Variants in UNC13C observed in about 807,000 individuals in gnomAD.
UNC13C encodes the protein unc-13 homolog C, also known as protein unc-13 homolog C.
In UNC13C, 174 loss-of-function variants were observed where a neutral mutation model predicts 245.4. That is an observed-to-expected ratio of 0.71 (90% CI 0.63 to 0.80). The LOEUF (loss-of-function observed/expected upper bound fraction) is 0.80. Ranked by LOEUF, UNC13C falls within the 30% of genes least tolerant of loss-of-function variation. The pLI, the probability that UNC13C is intolerant of heterozygous loss-of-function variation, is 0.00. For missense variants in UNC13C, 2,829 were observed against 2,602.9 expected (o/e 1.09, Z -1.89); for synonymous variants, 992 against 895.1 (o/e 1.11, Z -1.93).
In UNC13C at chr15:54,338,352, C is replaced by T; in HGVS notation, c.4585-9C>T. On this transcript the variant is annotated splice_polypyrimidine_tract_variant and intron_variant, in intron 16 of 32. Coordinates refer to ENST00000260323, the MANE Select transcript of UNC13C (RefSeq NM_001080534.3). ...TGCATTTGAGAAAATAAATGTCTGT[C>T]TTTGTCAGGTTCTGGAGCTGCAAAG... 6.9e-7 allele frequency: 1 copy of T among 1,451,594 alleles called. No individual in the cohort carries two copies. The highest frequency in any genetic ancestry group is 9.4e-7 in the Non-Finnish European group (1 of 1,065,752). 89.9% of individuals were successfully genotyped at this position (1,451,594 alleles called of 1,614,324 possible).
the UNC13C span, among the ~76,000 whole-genome samples, chr15:53,933,126 T>G: frequency 2.0e-5 from 3 of 152,180 alleles, 1 homozygote; most frequent in South Asian, 6.2e-4. Context: ...CTAAATCTAC[T>G]GCCATAGTTC....
chr15:54,415,166 C>A, intron 19 of UNC13C, 99 bp downstream of exon 19: 1 of 838,500 alleles, frequency 1.2e-6, no homozygotes, highest in Non-Finnish European at 1.8e-6. Context: ...CATTAAAACA[C>A]TGATTACTGT....
chr15:54,015,478 T>A lies in UNC13C; in HGVS notation c.2575T>A (p.Tyr859Asn). Reference sequence around the variant, plus strand: ...TGATGTCTACACGGAGCCCTATTACTATAAAGCAGAGGATGAGGAAGATTA... The same window carrying A: ...TGATGTCTACACGGAGCCCTATTACAATAAAGCAGAGGATGAGGAAGATTA... Reference protein sequence around the residue: ...DSDVYTEPYYYKAEDEEDYTE... With the variant: ...DSDVYTEPYYNKAEDEEDYTE... Residue 859 changes from tyrosine (Y) to asparagine (N), a missense_variant, in exon 2 of 33, where the codon TAT becomes AAT. By Grantham distance (143) the Tyr-to-Asn change is moderately radical (BLOSUM62 -2). Transcript: ENST00000260323. The A allele has an allele frequency of 6.2e-7, 1 of 1,613,150 alleles. No homozygotes were observed. The highest frequency in any genetic ancestry group is 1.7e-5 in the Admixed American group (1 of 59,944).
rs1318279017 is a variant in UNC13C, at chr15:54,075,500, C to T, written c.2983+59614C>T. ...CAGTGAGCCGGAGCTTGCAGTGAGCCGAGATGGCGCCACTGCACTCCAGCC... is the reference window on the plus strand; with the variant it reads ...CAGTGAGCCGGAGCTTGCAGTGAGCTGAGATGGCGCCACTGCACTCCAGCC... On this transcript the variant is annotated intron_variant, in intron 2 of 32. Coordinates refer to ENST00000260323, the MANE Select transcript of UNC13C (RefSeq NM_001080534.3). Among the ~76,000 whole-genome samples, 15 of 121,054 alleles carry T rather than the reference C, an allele frequency of 1.2e-4. 1 individual carries two copies. The Admixed American group carries it at 1.6e-3, about 13-fold the overall frequency. 79.4% of individuals were successfully genotyped at this position (121,054 alleles called of 152,430 possible). A position where few individuals can be genotyped will look rare whatever the true frequency, so the allele number is the denominator to read the frequency against.
chr15:54,156,474 C>G lies in UNC13C; in HGVS notation c.3071+12790C>G, dbSNP rs536623799. On this transcript the variant is annotated intron_variant, in intron 4 of 32. Coordinates refer to ENST00000260323, the MANE Select transcript of UNC13C (RefSeq NM_001080534.3). ...ATAAAGACCTCTTCAGGAAACAATA[C>G]TTGAAACAGTTATTCCAGAGTCACA... Among the ~76,000 whole-genome samples the G allele has an allele frequency of 3.3e-5, 5 of 152,270 alleles. No individual in the cohort carries two copies. In the South Asian group the frequency reaches 1.0e-3, roughly 32 times the overall value.
chr15:53,858,331 A>T, the UNC13C span, among the ~76,000 whole-genome samples: 1 of 152,112 alleles, frequency 6.6e-6, no homozygotes, highest in Non-Finnish European at 1.5e-5. Flanking sequence ...TAGTATTTTG[A>T]CATGATATAT....
At chr15:54,283,838 A>G (rs2037069569) in intron 10 of UNC13C, among the ~76,000 whole-genome samples, 1 of 152,160 alleles carries the variant, frequency 6.6e-6, no homozygotes, top group Non-Finnish European at 1.5e-5. Context: ...CCGAAGTCGT[A>G]TTGCTAGTGA....
At chr15:54,340,996 C>T (rs982420819) in intron 17 of UNC13C, among the ~76,000 whole-genome samples, 1 of 152,140 alleles carries the variant, frequency 6.6e-6, no homozygotes, top group African/African-American at 2.4e-5. Flanking sequence ...AATGCTTATA[C>T]ACTGTTGGTG....
chr15:54,369,831 CTG>C (rs1258062210), intron 17 of UNC13C, among the ~76,000 whole-genome samples: 1 of 152,126 alleles, frequency 6.6e-6, no homozygotes, highest in Non-Finnish European at 1.5e-5. Flanking sequence ...GTGGGCCTGT[CTG>C]TGCCTGTCTT....
chr15:54,321,371 A>G (rs2038153860), intron 13 of UNC13C: 1 of 482,716 alleles, frequency 2.1e-6, no homozygotes, highest in Admixed American at 2.2e-5. Flanking sequence ...TCTTTTTCAA[A>G]TTTAAGTGGG....
chr15:54,428,224 G>T (rs544994859), intron 19 of UNC13C, among the ~76,000 whole-genome samples: 5 of 151,734 alleles, frequency 3.3e-5, no homozygotes, highest in African/African-American at 7.2e-5. Flanking sequence ...ATCAAATCAT[G>T]TCTCTCTTCT....
intron 2 of UNC13C, among the ~76,000 whole-genome samples, chr15:54,129,682 A>G (rs567886800): frequency 6.6e-6 from 1 of 151,772 alleles, no homozygotes; most frequent in Non-Finnish European, 1.5e-5. Flanking sequence ...TTGACCATTA[A>G]TTGGCATAAA....
the UNC13C span, among the ~76,000 whole-genome samples, chr15:53,878,818 C>T: frequency 6.6e-6 from 1 of 152,170 alleles, no homozygotes; most frequent in South Asian, 2.1e-4. Context: ...TTTACTACTA[C>T]AGGTCTTTGC....
intron 2 of UNC13C, among the ~76,000 whole-genome samples, chr15:54,140,425 A>C (rs901669937): frequency 5.3e-5 from 8 of 152,224 alleles, no homozygotes; most frequent in Non-Finnish European, 1.2e-4. Flanking sequence ...AGATTAAAAA[A>C]CAGACTACCA....
intron 18 of UNC13C, among the ~76,000 whole-genome samples, chr15:54,406,000 G>C (rs1003475191): frequency 2.0e-5 from 3 of 151,958 alleles, no homozygotes; most frequent in African/African-American, 7.3e-5. Context: ...AGTGTGGGGG[G>C]GGAAAGAATA....
chr15:54,169,936 T>C (rs2033326118), intron 4 of UNC13C, among the ~76,000 whole-genome samples: 2 of 152,068 alleles, frequency 1.3e-5, no homozygotes, highest in African/African-American at 4.8e-5. Flanking sequence ...ATTTGATATC[T>C]ATCTCCTCTC....
chr15:54,567,782 AT>A lies in UNC13C; in HGVS notation c.5959-9del, dbSNP rs750214784. On this transcript the variant is annotated splice_polypyrimidine_tract_variant and intron_variant, in intron 29 of 32. Transcript: ENST00000260323. ...TACTTCTCTCTAAATGCCTCGGCTT[AT>A]TTTTTTTTCTTTGTAGCAATACTTT... The A allele has an allele frequency of 1.8e-4, 278 of 1,539,658 alleles. No individual in the cohort carries two copies. Among genetic ancestry groups the A allele is most frequent in the South Asian group, 5.5e-4 (45 of 81,990 alleles).
intron 2 of UNC13C, among the ~76,000 whole-genome samples, chr15:54,032,123 G>C (rs1382356586): frequency 1.3e-5 from 2 of 152,172 alleles, no homozygotes; most frequent in Non-Finnish European, 2.9e-5. Context: ...TTGCAGTTCA[G>C]GGTCAGATGA....
At chr15:54,545,361 G>A (rs1387790304) in intron 26 of UNC13C, among the ~76,000 whole-genome samples, 1 of 152,034 alleles carries the variant, frequency 6.6e-6, no homozygotes, top group Non-Finnish European at 1.5e-5. Flanking sequence ...GAAAACCTAG[G>A]CAATACCATT....
Sources: gnomAD v4.1 joint callset for allele counts (sites outside exome capture counted in the v4.1 genomes callset) on GRCh38, gnomAD v4.1.1 for gene constraint, MANE v1.5 for transcripts, NCBI Gene and HGNC (gene_info 2026-07-23, HGNC 2026-07-21) for gene names.